The following NUMB variants were observed in gnomAD, a reference collection of about 807,000 sequenced individuals.
The protein encoded by NUMB is NUMB endocytic adaptor protein, also known as protein numb homolog.
Under a neutral mutation model 59.7 loss-of-function variants are expected in NUMB, and 29 were observed. The observed-to-expected ratio is 0.49, with a 90% CI of 0.36 to 0.66. The LOEUF (loss-of-function observed/expected upper bound fraction) is 0.66, where lower values mean the gene tolerates loss of function less well. Ranked by LOEUF, NUMB falls within the 30% of genes least tolerant of loss-of-function variation. NUMB has a pLI of 0.00. For missense variants in NUMB, 723 were observed against 822.0 expected (o/e 0.88, Z 1.47); for synonymous variants, 288 against 288.2 (o/e 1.00, Z 0.01).
intron 2 of NUMB, among the ~76,000 whole-genome samples, chr14:73,400,809 G>C (rs1053300363): frequency 1.3e-5 from 2 of 152,218 alleles, no homozygotes; most frequent in Non-Finnish European, 2.9e-5. Flanking sequence ...GGTTCCAGGA[G>C]GGTGGCACAC....
At chr14:73,309,565 C>G (rs745869064) in intron 6 of NUMB, among the ~76,000 whole-genome samples, 28 of 151,918 alleles carry the variant, frequency 1.8e-4, no homozygotes, top group Non-Finnish European at 3.8e-4. Flanking sequence ...ACACTGGGGC[C>G]TGTCAGAGAG....
chr14:73,387,746 C>A (rs867200565), intron 2 of NUMB, among the ~76,000 whole-genome samples: 2,482 of 136,062 alleles, frequency 0.018, 83 homozygotes, highest in African/African-American at 0.074. Context: ...AAAAAAAAAA[C>A]AAAAACAAAC....
chr14:73,360,384 T>C (rs907731894), intron 3 of NUMB, among the ~76,000 whole-genome samples: 2 of 152,142 alleles, frequency 1.3e-5, no homozygotes, highest in Non-Finnish European at 2.9e-5. Context: ...GGTGAAACCC[T>C]GTCTCTACTA....
At chr14:73,363,733 A>AAG in intron 3 of NUMB, among the ~76,000 whole-genome samples, 1 of 152,140 alleles carries the variant, frequency 6.6e-6, no homozygotes, top group African/African-American at 2.4e-5. Flanking sequence ...AGGACTGCTT[A>AAG]AGCCCAGGAG....
intron 2 of NUMB, among the ~76,000 whole-genome samples, chr14:73,406,095 T>G (rs1896653825): frequency 9.8e-6 from 1 of 101,606 alleles, no homozygotes; most frequent in Non-Finnish European, 2.3e-5. Flanking sequence ...TATTTTTGTT[T>G]TTTTTTTTTT....
rs181846947 is a variant in NUMB at position 73,419,946 on chromosome 14, A to G, written c.-232-9878T>C. ...AGTAGTGCCATCTTGGCTCATTGCA[A>G]CCTCTGCCTCCCAGGTTCAAATGAT... On this transcript the variant is annotated intron_variant, in intron 1 of 12. Coordinates refer to ENST00000555238, the MANE Select transcript of NUMB (RefSeq NM_001005743.2). 9.9e-5 allele frequency among the ~76,000 whole-genome samples: 15 copies of G among 152,258 alleles called. No homozygotes were observed. The East Asian group carries it at 2.7e-3, about 27-fold the overall frequency.
intron 8 of NUMB, among the ~76,000 whole-genome samples, chr14:73,288,642 C>A (rs963284547): frequency 6.6e-6 from 1 of 150,512 alleles, no homozygotes; most frequent in African/African-American, 2.4e-5. Context: ...GGCGGATCAC[C>A]TGAGGTCAGG....
rs144306241 is a variant in NUMB at position 73,343,405 on chromosome 14, G to A, written c.126+12221C>T. Among the ~76,000 whole-genome samples the A allele has an allele frequency of 4.6e-3, 708 of 152,272 alleles. 5 individuals are homozygous for A. The highest frequency in any genetic ancestry group is 0.03 in the South Asian group (144 of 4,824). On this transcript the variant is annotated intron_variant, in intron 4 of 12. Coordinates refer to ENST00000555238, the MANE Select transcript of NUMB (RefSeq NM_001005743.2). ...GACAAAAAGGATAGATATTTAAGAA[G>A]AATAAATATGATATAGTAACTACGG...
intron 1 of NUMB, among the ~76,000 whole-genome samples, chr14:73,452,958 C>A (rs1005765329): frequency 6.6e-5 from 10 of 152,168 alleles, no homozygotes; most frequent in African/African-American, 2.2e-4. Flanking sequence ...TCCTCCTTTA[C>A]ATATGTCACT....
Position 73,364,080 on chromosome 14 carries a change from A to G in NUMB, c.-16+2817T>C, listed in dbSNP as rs1212328149. Among the ~76,000 whole-genome samples, 6 of 152,370 alleles carry G rather than the reference A, an allele frequency of 3.9e-5. 1 individual carries two copies. The highest frequency in any genetic ancestry group is 3.9e-4 in the Admixed American group (6 of 15,310). On this transcript the variant is annotated intron_variant, in intron 3 of 12. Coordinates refer to ENST00000555238, the MANE Select transcript of NUMB (RefSeq NM_001005743.2). Reference sequence around the variant, plus strand: ...CCACATTAACAGAATAAAGGAGGAAAACTATGTGATCATCTTGTAAATGCA... The same window carrying G: ...CCACATTAACAGAATAAAGGAGGAAGACTATGTGATCATCTTGTAAATGCA...
chr14:73,279,531 TAA>T (rs1455642998), intron 11 of NUMB, 107 bp from the exon 12 acceptor site: 1 of 1,068,054 alleles, frequency 9.4e-7, no homozygotes, highest in Non-Finnish European at 1.3e-6. Context: ...GTGGAATGGA[TAA>T]GAGAGAAGAG....
chr14:73,367,348 T>TATATATAG (rs1555375287), intron 2 of NUMB, among the ~76,000 whole-genome samples: 2,278 of 105,224 alleles, frequency 0.022, 58 homozygotes, highest in East Asian at 0.12. Context: ...TATATATATA[T>TATATATAG]AGAGAGAGAG....
rs948423557 is a variant in NUMB at position 73,325,863 on chromosome 14, G to A, written c.127-2659C>T. On this transcript the variant is annotated intron_variant, in intron 4 of 12. Coordinates refer to ENST00000555238, the MANE Select transcript of NUMB (RefSeq NM_001005743.2). Reference sequence around the variant, plus strand: ...AGAGGTAGCAACAAAAGAAACCCCTGCAAGAGCCACACCTCTAAGGCAGGG... The same window carrying A: ...AGAGGTAGCAACAAAAGAAACCCCTACAAGAGCCACACCTCTAAGGCAGGG... Among the ~76,000 whole-genome samples the A allele has an allele frequency of 2.0e-5, 3 of 152,286 alleles. No individual in the cohort carries two copies. The South Asian group carries it at 6.2e-4, about 32-fold the overall frequency.
intron 4 of NUMB, among the ~76,000 whole-genome samples, chr14:73,323,542 C>G (rs184136308): frequency 4.1e-4 from 62 of 152,268 alleles, no homozygotes; most frequent in Non-Finnish European, 6.6e-4. Flanking sequence ...TAAACATTAC[C>G]TGAATCTACT....
intron 1 of NUMB, among the ~76,000 whole-genome samples, chr14:73,421,798 TA>T (rs552039799): frequency 6.6e-6 from 1 of 151,816 alleles, no homozygotes; most frequent in Admixed American, 6.6e-5. Flanking sequence ...AAACTATGTT[TA>T]AAAAAAACAA....
chr14:73,280,455 C>T (rs752093471), intron 11 of NUMB, among the ~76,000 whole-genome samples: 2 of 150,740 alleles, frequency 1.3e-5, no homozygotes, highest in Non-Finnish European at 2.9e-5. Flanking sequence ...GATTTTTTTC[C>T]CCCTCTATGA....
At chr14:73,328,703 T>A (rs1021642501) in intron 4 of NUMB, among the ~76,000 whole-genome samples, 3 of 152,242 alleles carry the variant, frequency 2.0e-5, no homozygotes, top group Non-Finnish European at 4.4e-5. Context: ...TTTCTTTTTA[T>A]TTGTATCCAC....
At chr14:73,294,950 TAA>T (rs61179657) in intron 7 of NUMB, among the ~76,000 whole-genome samples, 14 of 24,382 alleles carry the variant, frequency 5.7e-4, no homozygotes, top group African/African-American at 1.7e-3. Context: ...AACCCATCTC[TAA>T]AAAAAAAAAA....
intron 5 of NUMB, among the ~76,000 whole-genome samples, chr14:73,317,609 T>C (rs1369980568): frequency 6.6e-6 from 1 of 152,192 alleles, no homozygotes; most frequent in Non-Finnish European, 1.5e-5. Context: ...ACCTAAAAGC[T>C]GTTATTTTAA....
Sources: gnomAD v4.1 joint callset for allele counts (sites outside exome capture counted in the v4.1 genomes callset) on GRCh38, gnomAD v4.1.1 for gene constraint, MANE v1.5 for transcripts, NCBI Gene and HGNC (gene_info 2026-07-23, HGNC 2026-07-21) for gene names.